Variants in EXOC6 observed in about 807,000 individuals in gnomAD.
The protein encoded by EXOC6 is exocyst complex component 6.
A neutral mutation model predicts 112.5 loss-of-function variants in EXOC6; 60 were observed. The observed-to-expected ratio is 0.53, with a 90% CI of 0.43 to 0.66. The LOEUF (loss-of-function observed/expected upper bound fraction) is 0.66, where lower values mean the gene tolerates loss of function less well. EXOC6 is among the 30% of genes least tolerant of loss of function. The pLI is 0.00. For synonymous variants in EXOC6, 295 were observed against 308.0 expected, an observed-to-expected ratio of 0.96 and a Z score of 0.44; for missense variants, 855 against 957.1, an observed-to-expected ratio of 0.89 and a Z score of 1.41.
chr10:93,043,171 G>A (rs1168354247), intron 20 of EXOC6, among the ~76,000 whole-genome samples: 2 of 151,838 alleles, frequency 1.3e-5, no homozygotes, highest in Admixed American at 6.6e-5. Flanking sequence ...TTCTGACCTC[G>A]TGATCCACCC....
intron 17 of EXOC6, among the ~76,000 whole-genome samples, chr10:92,961,153 T>C (rs1331836833): frequency 6.6e-6 from 1 of 152,218 alleles, no homozygotes; most frequent in Non-Finnish European, 1.5e-5. Flanking sequence ...TTGTTTTATC[T>C]ATGTAAAGCT....
At chr10:92,835,103 G>A (rs1266165383) in intron 1 of EXOC6, among the ~76,000 whole-genome samples, 1 of 152,090 alleles carries the variant, frequency 6.6e-6, no homozygotes, top group African/African-American at 2.4e-5. Context: ...AAATTTATAT[G>A]AGGTTTCAAT....
chr10:93,055,741 G>A (rs1846509535), intron 20 of EXOC6, among the ~76,000 whole-genome samples: 1 of 152,142 alleles, frequency 6.6e-6, no homozygotes, highest in African/African-American at 2.4e-5. Flanking sequence ...TTGTCCGAAA[G>A]AAAATAGAGT....
chr10:92,828,671 G>A (rs1194213076), intron 1 of EXOC6, among the ~76,000 whole-genome samples: 1 of 136,708 alleles, frequency 7.3e-6, no homozygotes, highest in African/African-American at 2.7e-5. Context: ...CTATTTCTAG[G>A]TTGCTGAGTT....
intron 20 of EXOC6, among the ~76,000 whole-genome samples, chr10:93,026,814 C>T (rs1302689431): frequency 6.6e-6 from 1 of 152,168 alleles, no homozygotes; most frequent in Non-Finnish European, 1.5e-5. Context: ...TCTTCCTCTC[C>T]TGGAGCCTCC....
intron 9 of EXOC6, among the ~76,000 whole-genome samples, chr10:92,931,855 T>C (rs576459915): frequency 2.6e-5 from 4 of 152,210 alleles, no homozygotes; most frequent in African/African-American, 9.6e-5. Flanking sequence ...AAAATTATAC[T>C]GCCACTTTGG....
chr10:92,965,074 G>C (rs1289904941), intron 17 of EXOC6, among the ~76,000 whole-genome samples: 1 of 152,168 alleles, frequency 6.6e-6, no homozygotes, highest in Admixed American at 6.6e-5. Context: ...TATCAGTTCA[G>C]TCTTACCCAA....
rs1312821924 is a variant in EXOC6, at chr10:92,893,524, AG to A, written c.273+5del. The A allele has an allele frequency of 6.3e-7, 1 of 1,594,216 alleles. No individual in the cohort carries two copies. The highest frequency in any genetic ancestry group is 1.4e-5 in the African/African-American group (1 of 73,832). ...GACTGATGCAGAAAAACTGAAGGTA[AG>A]AAATATGTTAAAATTATTTGCCTTT... is the stretch of plus-strand genomic sequence containing the variant. On this transcript the variant is annotated splice_donor_5th_base_variant and intron_variant, in intron 2 of 21. Coordinates refer to ENST00000260762, the MANE Select transcript of EXOC6 (RefSeq NM_019053.6).
At chr10:93,018,198 T>C (rs1024978389) in intron 20 of EXOC6, among the ~76,000 whole-genome samples, 1 of 151,330 alleles carries the variant, frequency 6.6e-6, no homozygotes, top group African/African-American at 2.4e-5. Flanking sequence ...AAACCAGTTA[T>C]AAAAAAAAGG....
At chr10:92,868,596 A>T (rs551160613) in intron 1 of EXOC6, among the ~76,000 whole-genome samples, 1 of 152,244 alleles carries the variant, frequency 6.6e-6, no homozygotes, top group Non-Finnish European at 1.5e-5. Flanking sequence ...AAAGTATTTG[A>T]TTGGGATTGA....
intron 1 of EXOC6, among the ~76,000 whole-genome samples, chr10:92,882,544 C>CAAAA: frequency 8.9e-6 from 1 of 112,920 alleles, no homozygotes; most frequent in Non-Finnish European, 1.8e-5. Flanking sequence ...GGCTCTGTCT[C>CAAAA]AAAAAAAAAA....
intron 18 of EXOC6, among the ~76,000 whole-genome samples, chr10:92,976,840 T>G (rs576363207): frequency 6.6e-6 from 1 of 150,712 alleles, no homozygotes; most frequent in African/African-American, 2.4e-5. Flanking sequence ...GATGAAACAT[T>G]AAAAAAAAAG....
At chr10:93,017,680 C>T (rs950832896) in intron 20 of EXOC6, among the ~76,000 whole-genome samples, 3 of 151,898 alleles carry the variant, frequency 2.0e-5, no homozygotes, top group Admixed American at 1.3e-4. Context: ...ACGATTCATC[C>T]ATGTAACCAA....
intron 20 of EXOC6, among the ~76,000 whole-genome samples, chr10:93,027,159 T>C (rs1332895881): frequency 6.6e-6 from 1 of 152,226 alleles, no homozygotes; most frequent in African/African-American, 2.4e-5. Flanking sequence ...AGCATTCCCT[T>C]GAGCCAAAGT....
chr10:93,007,821 TTATAA>T (rs1443039186), intron 19 of EXOC6, among the ~76,000 whole-genome samples: 2 of 152,232 alleles, frequency 1.3e-5, no homozygotes, highest in Non-Finnish European at 2.9e-5. Context: ...TACTCTATTG[TTATAA>T]TATACCTTCC....
At chr10:93,029,500 T>A (rs1845178241) in intron 20 of EXOC6, among the ~76,000 whole-genome samples, 1 of 152,230 alleles carries the variant, frequency 6.6e-6, no homozygotes, top group African/African-American at 2.4e-5. Context: ...TATGTCTGAC[T>A]GATATATAGA....
At chr10:92,873,930 G>T (rs1848571056) in intron 1 of EXOC6, among the ~76,000 whole-genome samples, 2 of 151,952 alleles carry the variant, frequency 1.3e-5, no homozygotes, top group African/African-American at 4.8e-5. Context: ...GTACATGCTT[G>T]TAATCCCAGC....
At chr10:92,980,216 T>C (rs568655920) in intron 18 of EXOC6, among the ~76,000 whole-genome samples, 4 of 152,314 alleles carry the variant, frequency 2.6e-5, no homozygotes, top group African/African-American at 7.2e-5. Context: ...GAAATACTTA[T>C]ATTTGAACTT....
chr10:93,016,877 A>G (rs1013896313), intron 20 of EXOC6, among the ~76,000 whole-genome samples: 9 of 150,562 alleles, frequency 6.0e-5, no homozygotes, highest in African/African-American at 2.5e-5. Context: ...CAGTGGCGCG[A>G]TCTTGGCTCA....
Sources: gnomAD v4.1 joint callset for allele counts (sites outside exome capture counted in the v4.1 genomes callset) on GRCh38, gnomAD v4.1.1 for gene constraint, MANE v1.5 for transcripts, NCBI Gene and HGNC (gene_info 2026-07-23, HGNC 2026-07-21) for gene names.